Variants in SHANK2 observed in about 807,000 individuals in gnomAD.
The protein encoded by SHANK2 is SH3 and multiple ankyrin repeat domains protein 2.
A neutral mutation model predicts 133.7 loss-of-function variants in SHANK2; 43 were observed. The observed-to-expected ratio is 0.32, with a 90% confidence interval of 0.25 to 0.41. The LOEUF (loss-of-function observed/expected upper bound fraction) is 0.41. Ranked by LOEUF, SHANK2 falls within the 10% of genes least tolerant of loss-of-function variation. The pLI is 1.00. For missense variants in SHANK2, 1,994 were observed against 2,235.8 expected, an observed-to-expected ratio of 0.89 and a Z score of 2.18; for synonymous variants, 1,017 against 952.8, an observed-to-expected ratio of 1.07 and a Z score of -1.24.
At chr11:70,545,642 AT>A (rs1170418753) in intron 17 of SHANK2, among the ~76,000 whole-genome samples, 2 of 152,078 alleles carry the variant, frequency 1.3e-5, no homozygotes, top group Admixed American at 1.3e-4. Flanking sequence ...CTGGTGTTGT[AT>A]TTTTTTCTGA....
At chr11:70,516,828 G>T (rs576770548) in intron 17 of SHANK2, among the ~76,000 whole-genome samples, 6 of 152,186 alleles carry the variant, frequency 3.9e-5, no homozygotes, top group Admixed American at 3.3e-4. Context: ...CAGCACTTTG[G>T]GGGGCCGAGT....
At chr11:70,885,605 C>T (rs968504454) in intron 11 of SHANK2, among the ~76,000 whole-genome samples, 1 of 152,136 alleles carries the variant, frequency 6.6e-6, no homozygotes, top group South Asian at 2.1e-4. Context: ...GTGGACAGAA[C>T]GTGGTAACGA....
At position 70,553,819 on chromosome 11, in the gene SHANK2, G is replaced by A. The variant is rs550759606; in HGVS notation, c.2062-50888C>T. Among the ~76,000 whole-genome samples the A allele has an allele frequency of 2.0e-5, 3 of 152,286 alleles. No individual in the cohort carries two copies. The South Asian group carries it at 6.2e-4, about 32-fold the overall frequency. ...GGATGTGTGATACATCCCTATATTA[G>A]TTAACACCCCCTCAGTGAATAAGAG... On this transcript the variant is annotated intron_variant, in intron 17 of 25. Coordinates refer to ENST00000601538, the MANE Select transcript of SHANK2 (RefSeq NM_012309.5).
In SHANK2 at chr11:70,487,868, G is replaced by A. The variant is rs1319487296; in HGVS notation, c.2573-148C>T. On this transcript the variant is annotated intron_variant, in intron 24 of 25. Coordinates refer to ENST00000601538, the MANE Select transcript of SHANK2 (RefSeq NM_012309.5). This position sits in a 1 kb window ranked among gnomAD's most constrained non-coding sequence, Gnocchi z 5.8. ...GAAACACAGCACAAGCCACGATGCC[G>A]AGTGGTTAGTCACATGGCCCGTCGT... 55 of 1,471,794 alleles carry A rather than the reference G, an allele frequency of 3.7e-5. No individual in the cohort carries two copies. Among genetic ancestry groups the A allele is most frequent in the Non-Finnish European group, 4.6e-5 (50 of 1,084,094 alleles). 91.2% of individuals were successfully genotyped at this position (1,471,794 alleles called of 1,614,324 possible). A position where few individuals can be genotyped will look rare whatever the true frequency, so the allele number is the denominator to read the frequency against.
chr11:70,645,321 G>A (rs471116), intron 17 of SHANK2, among the ~76,000 whole-genome samples: 3 of 151,996 alleles, frequency 2.0e-5, no homozygotes, highest in African/African-American at 4.8e-5. Context: ...GTTGCTGGTC[G>A]GAGGCAGGGG....
In SHANK2 at chr11:70,875,308, A is replaced by G. The variant is rs569972215; in HGVS notation, c.1174+21193T>C. ...CCCAGTAGAGCTCTGCTTTCGGAAC[A>G]TGATGATAAAGCATTAATATTGCAT... On this transcript the variant is annotated intron_variant, in intron 11 of 25. Transcript: ENST00000601538. Among the ~76,000 whole-genome samples, 19 of 152,230 alleles carry G rather than the reference A, an allele frequency of 1.2e-4. No individual in the cohort carries two copies. The South Asian group carries it at 3.7e-3, about 30-fold the overall frequency.
chr11:71,108,945 C>T (rs550323122), intron 6 of SHANK2, among the ~76,000 whole-genome samples: 20 of 152,298 alleles, frequency 1.3e-4, no homozygotes, highest in East Asian at 3.9e-4. Context: ...GGGCCCCCCC[C>T]CAGCGTTCAG....
chr11:70,708,018 C>T (rs1555025330), intron 14 of SHANK2, among the ~76,000 whole-genome samples: 1 of 152,188 alleles, frequency 6.6e-6, no homozygotes, highest in Non-Finnish European at 1.5e-5. Context: ...ACAGCTGGGG[C>T]GACAAGGCTG....
intron 17 of SHANK2, among the ~76,000 whole-genome samples, chr11:70,516,044 T>C (rs1175523361): frequency 6.6e-6 from 1 of 152,226 alleles, no homozygotes; most frequent in African/African-American, 2.4e-5. Context: ...CTGATGTTCC[T>C]TGGAAGGCAG....
chr11:70,771,729 C>T (rs561507311), intron 14 of SHANK2, among the ~76,000 whole-genome samples: 17 of 152,248 alleles, frequency 1.1e-4, no homozygotes, highest in East Asian at 5.8e-4. Context: ...GCTGGGCTGC[C>T]GGCCAGCCTG....
At chr11:70,914,722 C>T (rs61885540) in intron 10 of SHANK2, among the ~76,000 whole-genome samples, 216 of 23,070 alleles carry the variant, frequency 9.4e-3, no homozygotes, top group Non-Finnish European at 0.012. Flanking sequence ...TAAAATAAAA[C>T]AAAACAAAAC....
chr11:71,141,697 G>T (rs1167245847), intron 3 of SHANK2, among the ~76,000 whole-genome samples: 3 of 152,074 alleles, frequency 2.0e-5, no homozygotes, highest in Non-Finnish European at 4.4e-5. Context: ...AATGTCTCAG[G>T]AAAGACAGGG....
intron 11 of SHANK2, among the ~76,000 whole-genome samples, chr11:70,861,255 C>T (rs115141746): frequency 3.5e-4 from 53 of 152,320 alleles, no homozygotes; most frequent in African/African-American, 1.2e-3. Flanking sequence ...GAGTCCCACA[C>T]CTAGTAATGG....
At chr11:70,588,519 C>A (rs2060282180) in intron 17 of SHANK2, among the ~76,000 whole-genome samples, 1 of 152,192 alleles carries the variant, frequency 6.6e-6, no homozygotes, top group Non-Finnish European at 1.5e-5. Flanking sequence ...AAAGTTTTAA[C>A]TGGTTTGGAT....
intron 4 of SHANK2, among the ~76,000 whole-genome samples, chr11:71,114,871 G>T (rs1192049271): frequency 6.6e-6 from 1 of 152,100 alleles, no homozygotes; most frequent in Non-Finnish European, 1.5e-5. Context: ...CCCCTTTCCA[G>T]ACATAAAACA....
At chr11:71,063,102 A>AG (rs1951007923) in intron 9 of SHANK2, among the ~76,000 whole-genome samples, 1 of 151,676 alleles carries the variant, frequency 6.6e-6, no homozygotes, top group African/African-American at 2.4e-5. Flanking sequence ...ACAGGGAGGG[A>AG]GGGAAAAGAA....
intron 14 of SHANK2, among the ~76,000 whole-genome samples, chr11:70,765,451 C>T (rs1375991274): frequency 6.6e-6 from 1 of 152,190 alleles, no homozygotes; most frequent in African/African-American, 2.4e-5. Context: ...TGGGGGAGTT[C>T]ATACAGACAA....
At chr11:70,539,532 A>ACCACGCTCACTCGCCACG (rs1554974803) in intron 17 of SHANK2, among the ~76,000 whole-genome samples, 1 of 95,918 alleles carries the variant, frequency 1.0e-5, no homozygotes, top group African/African-American at 3.4e-5. Context: ...CACCACGCTC[A>ACCACGCTCACTCGCCACG]CTCGCCACGC....
chr11:70,846,614 C>T lies in SHANK2; in HGVS notation c.1175-25932G>A, dbSNP rs75189457. The stretch of plus-strand genomic sequence containing the variant: ...GAAGCACAGGTCAACTGCTGGTGTC[C>T]CAAGCCCTGCTCTCAGCACTCCACA... On this transcript the variant is annotated intron_variant, in intron 11 of 25. Coordinates refer to ENST00000601538, the MANE Select transcript of SHANK2 (RefSeq NM_012309.5). Among the ~76,000 whole-genome samples the T allele has an allele frequency of 6.4e-4, 97 of 152,248 alleles. No individual in the cohort carries two copies. In the East Asian group the frequency reaches 0.015, roughly 23 times the overall value.
Sources: allele counts gnomAD v4.1 joint callset (sites outside exome capture counted in the v4.1 genomes callset), GRCh38; gene constraint gnomAD v4.1.1; non-coding constraint Gnocchi (gnomAD v3.1); transcripts MANE v1.5; gene names NCBI Gene and HGNC (gene_info 2026-07-23, HGNC 2026-07-21).